HTR1F: variants seen among roughly 807,000 people sequenced by gnomAD.
HTR1F encodes the protein 5-hydroxytryptamine receptor 1F.
A neutral mutation model predicts 24.0 loss-of-function variants in HTR1F; 17 were observed. That is an observed-to-expected ratio of 0.71 (90% CI 0.48 to 1.06). HTR1F has a LOEUF of 1.06. Ranked by LOEUF, HTR1F falls within the 50% of genes least tolerant of loss-of-function variation. The probability of loss-of-function intolerance (pLI) is 0.00; values close to 1 mark genes in which losing one functional copy is unlikely to be tolerated. For synonymous variants in HTR1F, 186 were observed against 156.8 expected (o/e 1.19, Z -1.39); for missense variants, 391 against 427.8 (o/e 0.91, Z 0.76).
At position 87,991,653 on chromosome 3, in the gene HTR1F, T is replaced by C. The variant is rs746808571; in HGVS notation, c.904T>C (p.Phe302Leu). 6.2e-7 allele frequency: 1 copy of C among 1,613,352 alleles called. No homozygotes were observed. Among genetic ancestry groups the C allele is most frequent in the South Asian group, 1.1e-5 (1 of 91,000 alleles). Residue 302 changes from phenylalanine to leucine, a missense_variant, in exon 3 of 3, where the codon TTT (phenylalanine) becomes CTT (leucine). Coordinates refer to ENST00000319595, the MANE Select transcript of HTR1F (RefSeq NM_001322209.2). The part of the protein sequence containing the change: ...ATTLGLILGA[F>L]VICWLPFFVK... The stretch of plus-strand genomic sequence containing the variant: ...TACCCTGGGATTAATCTTGGGTGCA[T>C]TTGTAATATGTTGGCTTCCTTTTTT...
At chr3:87,829,056 A>C (rs1487267237) in intron 2 of HTR1F, among the ~76,000 whole-genome samples, 5 of 151,826 alleles carry the variant, frequency 3.3e-5, no homozygotes, top group Non-Finnish European at 7.4e-5. Context: ...AAAAAAAAAA[A>C]AGTTAAAAAA....
intron 2 of HTR1F, among the ~76,000 whole-genome samples, chr3:87,954,522 T>C (rs920698744): frequency 1.3e-5 from 2 of 151,702 alleles, no homozygotes; most frequent in African/African-American, 4.8e-5. Flanking sequence ...AGAAATATTA[T>C]GAACTTCAAC....
intron 2 of HTR1F, among the ~76,000 whole-genome samples, chr3:87,973,910 G>A (rs1457231505): frequency 6.6e-6 from 1 of 152,154 alleles, no homozygotes; most frequent in African/African-American, 2.4e-5. Flanking sequence ...TGTGGTGTGG[G>A]GAAGGGAGCT....
rs1423967327 is a variant in HTR1F, at chr3:87,839,024, A to ATTTTTATT, written c.-43+16905_-43+16906insATTTTTTT. Among the ~76,000 whole-genome samples the ATTTTTATT allele has an allele frequency of 2.4e-3, 297 of 124,502 alleles. 4 individuals are homozygous for ATTTTTATT. Among genetic ancestry groups the ATTTTTATT allele is most frequent in the African/African-American group, 7.7e-3 (286 of 37,114 alleles). The allele number at this position is 124,502 out of a possible 152,430, so 81.7% of individuals were successfully genotyped here. A position where few individuals can be genotyped will look rare whatever the true frequency, so the allele number is the denominator to read the frequency against. On this transcript the variant is annotated intron_variant, in intron 2 of 2. Transcript: ENST00000319595. ...ATTTATTTATTTTATTTTTATTTTTATTTTTTTTTTTTGCTGTCTAGAAGC... is the reference window on the plus strand; with the variant it reads ...ATTTATTTATTTTATTTTTATTTTTATTTTTATTTTTTTTTTTTTTGCTGTCTAGAAGC...
At chr3:87,943,378 T>C (rs1268934990) in intron 2 of HTR1F, among the ~76,000 whole-genome samples, 1 of 152,214 alleles carries the variant, frequency 6.6e-6, no homozygotes, top group African/African-American at 2.4e-5. Flanking sequence ...ATCAGGGTTA[T>C]CTGAGAATTT....
At chr3:87,878,029 T>C (rs376942929) in intron 2 of HTR1F, among the ~76,000 whole-genome samples, 38 of 152,294 alleles carry the variant, frequency 2.5e-4, no homozygotes, top group Middle Eastern at 6.8e-3. Context: ...ACTTGAACGA[T>C]TGATAGTGGT....
chr3:87,821,931 G>A (rs1464806322), intron 1 of HTR1F, among the ~76,000 whole-genome samples, 77 bp from the exon 2 acceptor site: 1 of 152,144 alleles, frequency 6.6e-6, no homozygotes, highest in African/African-American at 2.4e-5. Context: ...GAGCAGATCA[G>A]CCAGGGTATA....
At chr3:87,935,670 T>C (rs1360378746) in intron 2 of HTR1F, among the ~76,000 whole-genome samples, 2 of 152,188 alleles carry the variant, frequency 1.3e-5, no homozygotes, top group Non-Finnish European at 2.9e-5. Flanking sequence ...AACAAACCAT[T>C]TCACTGTTTC....
chr3:87,816,243 A>G (rs1312831359), intron 1 of HTR1F, among the ~76,000 whole-genome samples: 1 of 152,096 alleles, frequency 6.6e-6, no homozygotes, highest in African/African-American at 2.4e-5. Flanking sequence ...ACTTGGCAGC[A>G]TTTGACCATG....
At chr3:87,933,946 A>G (rs1236788370) in intron 2 of HTR1F, among the ~76,000 whole-genome samples, 1 of 152,180 alleles carries the variant, frequency 6.6e-6, no homozygotes, top group Non-Finnish European at 1.5e-5. Flanking sequence ...CTATACATGT[A>G]TTCCATTGGC....
intron 2 of HTR1F, among the ~76,000 whole-genome samples, chr3:87,939,144 T>A (rs1176085210): frequency 6.6e-6 from 1 of 152,212 alleles, no homozygotes; most frequent in Non-Finnish European, 1.5e-5. Context: ...GTAGTTTTTG[T>A]CATTGGTTCT....
rs1216536307 is a variant in HTR1F at position 87,991,367 on chromosome 3, A to G, written c.618A>G (p.Arg206=). 9.3e-6 allele frequency: 15 copies of G among 1,613,992 alleles called. No homozygotes were observed. The highest frequency in any genetic ancestry group is 1.2e-5 in the Non-Finnish European group (14 of 1,180,004). ...TGATCCTTTACTACAAAATATATAG[A>G]GCAGCAAAGACATTATACCACAAGA... ...LILILYYKIY[R]AAKTLYHKRQ... is the part of the protein sequence containing the mutation. Residue 206 remains arginine, a synonymous_variant, in exon 3 of 3, where the codon AGA becomes AGG. Transcript: ENST00000319595.
intron 1 of HTR1F, among the ~76,000 whole-genome samples, chr3:87,811,103 T>G (rs1424322575): frequency 2.0e-5 from 3 of 152,230 alleles, no homozygotes; most frequent in Admixed American, 2.0e-4. Context: ...GAAAGGCTCT[T>G]TAATTCATAC....
chr3:87,792,884 CGCCCGCAGCTG>C (rs1227206213), intron 1 of HTR1F, among the ~76,000 whole-genome samples, 42 bp downstream of exon 1: 1 of 152,176 alleles, frequency 6.6e-6, no homozygotes, highest in Admixed American at 6.5e-5. Context: ...GTGCGGGTCA[CGCCCGCAGCTG>C]GCGCGCAGGT....
intron 2 of HTR1F, among the ~76,000 whole-genome samples, chr3:87,950,774 G>A (rs1005751525): frequency 2.0e-5 from 3 of 152,182 alleles, no homozygotes; most frequent in Non-Finnish European, 4.4e-5. Context: ...GAGGTTCGAA[G>A]TCAGAGTTGT....
At chr3:87,835,889 G>A (rs1378392464) in intron 2 of HTR1F, among the ~76,000 whole-genome samples, 2 of 152,084 alleles carry the variant, frequency 1.3e-5, no homozygotes, top group Non-Finnish European at 2.9e-5. Context: ...AGCAAATGAG[G>A]AACTTTTGTT....
intron 2 of HTR1F, among the ~76,000 whole-genome samples, chr3:87,937,083 C>CAAAAAAAAAAAAAAAAAA (rs35169317): frequency 8.8e-6 from 1 of 113,916 alleles, no homozygotes. Context: ...TGAAACTACC[C>CAAAAAAAAAAAAAAAAAA]AAAAAAAAAA....
At chr3:87,842,840 G>A (rs753565200) in intron 2 of HTR1F, among the ~76,000 whole-genome samples, 4 of 151,844 alleles carry the variant, frequency 2.6e-5, no homozygotes, top group East Asian at 3.9e-4. Context: ...GATTTTCCTC[G>A]ATCAGAGATC....
intron 2 of HTR1F, among the ~76,000 whole-genome samples, chr3:87,927,784 G>C (rs1704163017): frequency 6.6e-6 from 1 of 151,988 alleles, no homozygotes; most frequent in Non-Finnish European, 1.5e-5. Context: ...CTAGTTACTG[G>C]AGATACACAA....
Sources: allele counts gnomAD v4.1 joint callset (sites outside exome capture counted in the v4.1 genomes callset), GRCh38; gene constraint gnomAD v4.1.1; transcripts MANE v1.5; gene names NCBI Gene and HGNC (gene_info 2026-07-23, HGNC 2026-07-21).